Variants in GRIP1 observed in about 807,000 individuals in gnomAD.
The protein encoded by GRIP1 is glutamate receptor interacting protein 1.
A neutral mutation model predicts 129.9 loss-of-function variants in GRIP1; 45 were observed. That is an observed-to-expected ratio of 0.35 (90% confidence interval 0.27 to 0.44). GRIP1 has a LOEUF of 0.44. Among genes scored for constraint, GRIP1 ranks in the 20% least tolerant of loss-of-function variants. GRIP1 has a pLI of 1.00. For synonymous variants in GRIP1, 530 were observed against 520.8 expected, an observed-to-expected ratio of 1.02 and a Z score of -0.24; for missense variants, 1,196 against 1,396.8, an observed-to-expected ratio of 0.86 and a Z score of 2.29.
chr12:66,549,572 C>T (rs1279248996), intron 2 of GRIP1, among the ~76,000 whole-genome samples: 1 of 151,934 alleles, frequency 6.6e-6, no homozygotes, highest in South Asian at 2.1e-4. Flanking sequence ...TCCTAATATC[C>T]CCTGGTTCAG....
intron 1 of GRIP1, among the ~76,000 whole-genome samples, chr12:66,979,535 T>C (rs903314276): frequency 3.3e-4 from 50 of 152,246 alleles, no homozygotes; most frequent in African/African-American, 1.2e-3. Context: ...GTTGTTGTTA[T>C]TCATATTATG....
chr12:66,771,406 C>T (rs2037814070), intron 1 of GRIP1, among the ~76,000 whole-genome samples: 1 of 152,140 alleles, frequency 6.6e-6, no homozygotes, highest in Non-Finnish European at 1.5e-5. Flanking sequence ...ACAGACACAA[C>T]ACACACATAG....
At chr12:66,438,228 G>T (rs2058368900) in intron 13 of GRIP1, among the ~76,000 whole-genome samples, 1 of 152,180 alleles carries the variant, frequency 6.6e-6, no homozygotes, top group South Asian at 2.1e-4. Context: ...CCTAAGCTGG[G>T]CCATTAGATT....
intron 1 of GRIP1, among the ~76,000 whole-genome samples, chr12:66,597,204 C>T (rs527562911): frequency 7.2e-5 from 11 of 152,100 alleles, no homozygotes; most frequent in Admixed American, 6.5e-4. Context: ...ATTTATGAAA[C>T]GGTAAGAAGT....
intron 2 of GRIP1, among the ~76,000 whole-genome samples, chr12:66,547,272 C>T (rs2061975500): frequency 8.1e-6 from 1 of 123,518 alleles, no homozygotes; most frequent in Non-Finnish European, 1.7e-5. Flanking sequence ...TTAGTGACAA[C>T]ACCAAATGCT....
rs1419894291 is a variant in GRIP1 at position 66,531,298 on chromosome 12, T to C, written c.419-1384A>G. 6.4e-4 allele frequency among the ~76,000 whole-genome samples: 44 copies of C among 68,498 alleles called. 4 individuals carry two copies. The highest frequency in any genetic ancestry group is 2.5e-3 in the African/African-American group (38 of 15,416). 44.9% of individuals were successfully genotyped at this position (68,498 alleles called of 152,430 possible). A position where few individuals can be genotyped will look rare whatever the true frequency, so the allele number is the denominator to read the frequency against. On this transcript the variant is annotated intron_variant, in intron 4 of 24. Coordinates refer to ENST00000359742, the MANE Select transcript of GRIP1 (RefSeq NM_001366722.1). ...ATATATATATATATATATATATATATATATACACACACACACACATACATA... is the reference window on the plus strand; with the variant it reads ...ATATATATATATATATATATATATACATATACACACACACACACATACATA...
At chr12:66,795,095 T>C (rs1393004423) in intron 1 of GRIP1, among the ~76,000 whole-genome samples, 1 of 152,226 alleles carries the variant, frequency 6.6e-6, no homozygotes, top group Non-Finnish European at 1.5e-5. Context: ...TATAAGTTCA[T>C]ATTCATGTCT....
At chr12:66,359,021 C>T (rs2054621350) in intron 23 of GRIP1, among the ~76,000 whole-genome samples, 1 of 152,172 alleles carries the variant, frequency 6.6e-6, no homozygotes, top group Admixed American at 6.5e-5. Flanking sequence ...CTCCACATGG[C>T]AAGCAACACA....
At chr12:66,950,108 T>G (rs1045072458) in intron 1 of GRIP1, among the ~76,000 whole-genome samples, 7 of 152,138 alleles carry the variant, frequency 4.6e-5, no homozygotes, top group African/African-American at 1.7e-4. Flanking sequence ...ACTCTCATAT[T>G]TGTCTTTCTC....
chr12:66,950,901 C>T (rs1051798028), intron 1 of GRIP1, among the ~76,000 whole-genome samples: 3 of 152,174 alleles, frequency 2.0e-5, no homozygotes, highest in African/African-American at 7.2e-5. Context: ...GAAGAAAGTG[C>T]TATGATGTGT....
chr12:66,860,433 G>T (rs999440145), intron 1 of GRIP1, among the ~76,000 whole-genome samples: 1 of 152,022 alleles, frequency 6.6e-6, no homozygotes, highest in Non-Finnish European at 1.5e-5. Context: ...ACAATAATCC[G>T]ATACAATTTA....
chr12:66,884,669 G>T (rs1335026467), intron 1 of GRIP1, among the ~76,000 whole-genome samples: 1 of 152,162 alleles, frequency 6.6e-6, no homozygotes, highest in African/African-American at 2.4e-5. Context: ...ATAAAGTTTA[G>T]TCTTGGATAC....
chr12:66,835,135 C>T (rs772648420), intron 1 of GRIP1, among the ~76,000 whole-genome samples: 3 of 151,892 alleles, frequency 2.0e-5, no homozygotes, highest in South Asian at 2.1e-4. Context: ...AAGCAGAAAA[C>T]GAACAACCAA....
intron 1 of GRIP1, among the ~76,000 whole-genome samples, chr12:67,043,658 C>T (rs896926433): frequency 6.6e-5 from 10 of 152,130 alleles, no homozygotes; most frequent in Non-Finnish European, 1.5e-4. Flanking sequence ...TCTCCCACCC[C>T]TTCTCCCAAT....
intron 1 of GRIP1, among the ~76,000 whole-genome samples, chr12:67,060,619 G>A (rs941746027): frequency 2.6e-5 from 4 of 151,974 alleles, no homozygotes; most frequent in Non-Finnish European, 5.9e-5. Flanking sequence ...TCAGGAGTTC[G>A]AGACCAGCCT....
At chr12:66,958,190 A>C (rs1216258152) in intron 1 of GRIP1, among the ~76,000 whole-genome samples, 1 of 152,158 alleles carries the variant, frequency 6.6e-6, no homozygotes. Context: ...CCCACGCTAC[A>C]GTGCAGTGGC....
At chr12:66,789,621 T>C (rs995692649) in intron 1 of GRIP1, among the ~76,000 whole-genome samples, 2 of 140,010 alleles carry the variant, frequency 1.4e-5, no homozygotes, top group Non-Finnish European at 3.2e-5. Flanking sequence ...TTTACTGTCA[T>C]GTAAAAAATT....
intron 1 of GRIP1, among the ~76,000 whole-genome samples, chr12:66,945,296 T>A (rs1480999729): frequency 1.3e-5 from 2 of 152,196 alleles, no homozygotes; most frequent in Admixed American, 6.5e-5. Context: ...CAACAGGTAG[T>A]TTTTTAGTTT....
chr12:66,371,525 T>C (rs1160863467), intron 23 of GRIP1, among the ~76,000 whole-genome samples, 169 bp downstream of exon 23: 1 of 152,192 alleles, frequency 6.6e-6, no homozygotes, highest in African/African-American at 2.4e-5. Flanking sequence ...CAGGATAACC[T>C]CCCAGAGATT....
Sources: allele counts gnomAD v4.1 joint callset (sites outside exome capture counted in the v4.1 genomes callset), GRCh38; gene constraint gnomAD v4.1.1; transcripts MANE v1.5; gene names NCBI Gene and HGNC (gene_info 2026-07-23, HGNC 2026-07-21).